The following ADAMTS20 variants were observed in gnomAD, a reference collection of about 807,000 sequenced individuals.
ADAMTS20 encodes A disintegrin and metalloproteinase with thrombospondin motifs 20.
In ADAMTS20, 225 loss-of-function variants were observed where a neutral mutation model predicts 260.1. The observed-to-expected ratio is 0.87, with a 90% CI of 0.78 to 0.97. The LOEUF is 0.97. Among genes scored for constraint, ADAMTS20 ranks in the 50% least tolerant of loss-of-function variants. The pLI is 0.00. For synonymous variants in ADAMTS20, 802 were observed against 769.5 expected, an observed-to-expected ratio of 1.04 and a Z score of -0.70; for missense variants, 2,400 against 2,337.7, an observed-to-expected ratio of 1.03 and a Z score of -0.55.
In ADAMTS20 at chr12:43,476,763, T is replaced by C. The variant is rs1448978506; in HGVS notation, c.1118-8058A>G. On this transcript the variant is annotated intron_variant, in intron 7 of 38. Coordinates refer to ENST00000389420, the MANE Select transcript of ADAMTS20 (RefSeq NM_025003.5). ...CACAAGAACAAAAAACCAAACACCG[T>C]ATATTCTCACTCATAGGTGGGAATT... is the stretch of plus-strand genomic sequence containing the variant. 1.1e-4 allele frequency among the ~76,000 whole-genome samples: 16 copies of C among 141,752 alleles called. 1 individual carries two copies. The highest frequency in any genetic ancestry group is 7.3e-4 in the Admixed American group (10 of 13,768). The allele number at this position is 141,752 out of a possible 152,430, so 93.0% of individuals were successfully genotyped here.
chr12:43,488,214 G>T (rs1942551846), intron 7 of ADAMTS20, among the ~76,000 whole-genome samples: 1 of 152,074 alleles, frequency 6.6e-6, no homozygotes, highest in South Asian at 2.1e-4. Context: ...TATGGATGTG[G>T]TTATAGAGTT....
At chr12:43,492,224 C>CA (rs1411972396) in intron 6 of ADAMTS20, among the ~76,000 whole-genome samples, 9 of 151,452 alleles carry the variant, frequency 5.9e-5, no homozygotes, top group Admixed American at 4.6e-4. Flanking sequence ...ACTAAAAATA[C>CA]AAAAAATTAG....
At chr12:43,396,917 A>T (rs963401986) in intron 29 of ADAMTS20, among the ~76,000 whole-genome samples, 4 of 152,162 alleles carry the variant, frequency 2.6e-5, no homozygotes, top group African/African-American at 4.8e-5. Flanking sequence ...AGACACAAAA[A>T]GTCTCTCCCA....
intron 23 of ADAMTS20, 46 bp downstream of exon 23, chr12:43,430,302 ATCTT>A (rs763552115): frequency 1.3e-6 from 2 of 1,560,220 alleles, no homozygotes; most frequent in Non-Finnish European, 1.7e-6. Flanking sequence ...CACATCAATA[ATCTT>A]TCTGTCTCAT....
chr12:43,467,233 T>C lies in ADAMTS20; in HGVS notation c.1224-438A>G, dbSNP rs144832173. On this transcript the variant is annotated intron_variant, in intron 8 of 38. Transcript: ENST00000389420. ...CGTGAATCCCCAATTCTCACCATTCTACAGTATCCATCTATTTTATATGAA... is the reference window on the plus strand; with the variant it reads ...CGTGAATCCCCAATTCTCACCATTCCACAGTATCCATCTATTTTATATGAA... Among the ~76,000 whole-genome samples, 119 of 152,218 alleles carry C rather than the reference T, an allele frequency of 7.8e-4. 2 individuals are homozygous for C. Among genetic ancestry groups the C allele is most frequent in the African/African-American group, 2.5e-3 (105 of 41,570 alleles).
chr12:43,358,244 G>A (rs1939785424), intron 37 of ADAMTS20, among the ~76,000 whole-genome samples: 1 of 152,148 alleles, frequency 6.6e-6, no homozygotes, highest in South Asian at 2.1e-4. Context: ...ACTGACTACT[G>A]AGAGCCTTAG....
intron 3 of ADAMTS20, among the ~76,000 whole-genome samples, chr12:43,509,186 G>A (rs1046330194): frequency 2.0e-5 from 3 of 151,952 alleles, no homozygotes; most frequent in Non-Finnish European, 4.4e-5. Flanking sequence ...CCATGTCTTT[G>A]CTATTGGAAA....
chr12:43,428,900 T>C (rs1941388694), intron 24 of ADAMTS20, 101 bp from the exon 25 acceptor site: 11 of 1,128,056 alleles, frequency 9.8e-6, no homozygotes, highest in Non-Finnish European at 1.3e-5. Context: ...ATCCAGTTTC[T>C]TGAGAAATTT....
At chr12:43,422,722 C>G (rs1481543288) in intron 28 of ADAMTS20, 1 of 151,850 alleles carries the variant, frequency 6.6e-6, no homozygotes, top group Non-Finnish European at 1.5e-5. Context: ...TCAATGAATT[C>G]CTTTTGGGAT....
rs140727268 is a variant in ADAMTS20, at chr12:43,502,363, C to T, written c.656G>A (p.Ser219Asn). ...KETSLPFHTY[S>N]NMNEDLNVMK... ...TACATTAAGATCTTCATTCATGTTG[C>T]TGTAGGTATGAAAGGGTAAACTGGT... is the stretch of plus-strand genomic sequence containing the variant. The change falls in exon 4 of 39, where the codon AGC becomes AAC. Residue 219 changes from serine to asparagine, a missense_variant. By Grantham distance (46) the Ser-to-Asn change is conservative. Transcript: ENST00000389420. 6.2e-6 allele frequency: 10 copies of T among 1,606,616 alleles called. No individual in the cohort carries two copies. The South Asian group carries it at 6.7e-5, about 11-fold the overall frequency.
chr12:43,421,412 C>A (rs1592059912), intron 28 of ADAMTS20, among the ~76,000 whole-genome samples: 1 of 151,968 alleles, frequency 6.6e-6, no homozygotes, highest in Admixed American at 6.6e-5. Context: ...TGAATACACA[C>A]TATTTGTTTA....
rs779095369 is a variant in ADAMTS20 at position 43,354,252 on chromosome 12, C to T, written c.5690G>A (p.Cys1897Tyr). 2.5e-6 allele frequency: 4 copies of T among 1,594,888 alleles called. No individual in the cohort carries two copies. The highest frequency in any genetic ancestry group is 1.3e-5 in the African/African-American group (1 of 74,674). The change falls in exon 39 of 39, where the codon TGT becomes TAT. Residue 1897 changes from cysteine to tyrosine, a missense_variant. Coordinates refer to ENST00000389420, the MANE Select transcript of ADAMTS20 (RefSeq NM_025003.5). Reference protein sequence around the residue: ...FGKCGGYCGKCLPHMTTGLPI... With the variant: ...FGKCGGYCGKYLPHMTTGLPI... ...GAGACCAGTAGTCATGTGAGGAAGA[C>T]ACTTTCCACAGTACCCTCCACATTT...
Position 43,551,047 on chromosome 12 carries a change from G to A in ADAMTS20, c.315C>T (p.Thr105=), listed in dbSNP as rs773610159. Residue 105 remains threonine, a synonymous_variant, in exon 2 of 39, where the codon ACC becomes ACT. Transcript: ENST00000389420. This position sits in a 1 kb window ranked among gnomAD's most constrained non-coding sequence, Gnocchi z 4.6. ...ADASFLAAGY[T]EVHLGTPERG... The stretch of plus-strand genomic sequence containing the variant: ...GCTCCGGGGTTCCCAAGTGCACCTC[G>A]GTGTAGCCGGCGGCCAGAAAGGATG... 1 of 1,613,528 alleles carries A rather than the reference G, an allele frequency of 6.2e-7. No homozygotes were observed. Among genetic ancestry groups the A allele is most frequent in the African/African-American group, 1.3e-5 (1 of 74,870 alleles).
At chr12:43,378,713 C>G (rs924189678) in intron 31 of ADAMTS20, among the ~76,000 whole-genome samples, 4 of 152,220 alleles carry the variant, frequency 2.6e-5, no homozygotes, top group African/African-American at 7.2e-5. Context: ...TGCAAAGAAC[C>G]TGGAAAATAA....
intron 28 of ADAMTS20, among the ~76,000 whole-genome samples, chr12:43,419,923 T>G (rs557046061): frequency 9.8e-5 from 15 of 152,290 alleles, no homozygotes; most frequent in Admixed American, 5.2e-4. Context: ...TTTGGTGACA[T>G]ATGAAATCCA....
rs1942089537 is a variant in ADAMTS20, at chr12:43,462,943, G to C, written c.1566C>G (p.Phe522Leu). The change falls in exon 11 of 39, where the codon TTC (phenylalanine) becomes TTG (leucine). Residue 522 changes from phenylalanine (F) to leucine (L), a missense_variant. Phe to Leu is a conservative substitution (Grantham distance 22, BLOSUM62 0). Coordinates refer to ENST00000389420, the MANE Select transcript of ADAMTS20 (RefSeq NM_025003.5). ...TSTEKLHKGC[F>L]TQHVPPADGT... ...CATCTGCTGGTGGCACGTGTTGAGT[G>C]AAACAGCCTTTGTGAAGCTTTTCTG... 1 of 1,609,798 alleles carries C rather than the reference G, an allele frequency of 6.2e-7. No individual in the cohort carries two copies. Among genetic ancestry groups the C allele is most frequent in the East Asian group, 2.2e-5 (1 of 44,814 alleles).
chr12:43,522,413 G>A (rs275371), intron 3 of ADAMTS20, among the ~76,000 whole-genome samples: 147,222 of 152,300 alleles, frequency 0.97, 71,185 homozygotes, highest in East Asian at 0.99. Context: ...GCCAAAGCAT[G>A]TCACCATCTA....
chr12:43,433,743 A>C (rs1042291944), intron 19 of ADAMTS20: 2 of 450,616 alleles, frequency 4.4e-6, no homozygotes, highest in Admixed American at 2.4e-5. Flanking sequence ...CACACACACA[A>C]ACCAAATAAC....
At chr12:43,489,013 AC>A (rs1942563450) in intron 7 of ADAMTS20, among the ~76,000 whole-genome samples, 1 of 152,078 alleles carries the variant, frequency 6.6e-6, no homozygotes, top group South Asian at 2.1e-4. Flanking sequence ...GTAACAGCTT[AC>A]AGTTTTGGTG....
Sources: gnomAD v4.1 joint callset for allele counts (sites outside exome capture counted in the v4.1 genomes callset) on GRCh38, gnomAD v4.1.1 for gene constraint, Gnocchi (gnomAD v3.1) non-coding constraint, MANE v1.5 for transcripts, NCBI Gene and HGNC (gene_info 2026-07-23, HGNC 2026-07-21) for gene names.